Variants in NRXN1 observed in about 807,000 individuals in gnomAD.
NRXN1 encodes neurexin-1.
Under a neutral mutation model 150.9 loss-of-function variants are expected in NRXN1, and 39 were observed. The ratio of observed to expected loss-of-function variants is 0.26; its 90% CI spans 0.20 to 0.34. The LOEUF (loss-of-function observed/expected upper bound fraction) is 0.34, where lower values mean the gene tolerates loss of function less well. Among genes scored for constraint, NRXN1 ranks in the 10% least tolerant of loss-of-function variants. The pLI, the probability that NRXN1 is intolerant of heterozygous loss-of-function variation, is 1.00. For missense variants in NRXN1, 1,815 were observed against 1,949.9 expected (o/e 0.93, Z 1.30); for synonymous variants, 924 against 757.0 (o/e 1.22, Z -3.62).
At chr2:50,750,664 T>A (rs976882015) in intron 5 of NRXN1, among the ~76,000 whole-genome samples, 3 of 152,028 alleles carry the variant, frequency 2.0e-5, no homozygotes, top group Non-Finnish European at 4.4e-5. Flanking sequence ...TGACTCCACT[T>A]TAATGTTTCC....
chr2:50,535,495 C>T (rs1025759348), intron 10 of NRXN1, among the ~76,000 whole-genome samples: 1 of 152,184 alleles, frequency 6.6e-6, no homozygotes, highest in African/African-American at 2.4e-5. Context: ...ATCTGTCCCT[C>T]CATCTGTTAG....
At chr2:50,713,439 G>C (rs186802384) in intron 5 of NRXN1, among the ~76,000 whole-genome samples, 1 of 151,960 alleles carries the variant, frequency 6.6e-6, no homozygotes, top group Non-Finnish European at 1.5e-5. Flanking sequence ...AACATTTTAC[G>C]AATTCAAAAG....
chr2:50,827,120 G>C (rs147014621), intron 5 of NRXN1, among the ~76,000 whole-genome samples: 49 of 152,334 alleles, frequency 3.2e-4, no homozygotes, highest in African/African-American at 1.1e-3. Context: ...TGTGATCACT[G>C]GATTTGGCGC....
intron 21 of NRXN1, among the ~76,000 whole-genome samples, chr2:49,998,605 A>T (rs969741676): frequency 1.3e-5 from 2 of 151,730 alleles, no homozygotes; most frequent in African/African-American, 2.4e-5. Flanking sequence ...CTGAAAAACC[A>T]ATCTGAAATG....
At position 50,829,656 on chromosome 2, in the gene NRXN1, G is replaced by A. The variant is rs568790811; in HGVS notation, c.832+92213C>T. ...TCCAGTAGCCAGGTTGGTACGGGAC[G>A]GCATCATAACAGGCTGACACAGCGG... On this transcript the variant is annotated intron_variant, in intron 5 of 22. Transcript: ENST00000401669. 1.4e-5 allele frequency: 23 copies of A among 1,611,770 alleles called. No homozygotes were observed. In the Middle Eastern group the frequency reaches 6.8e-4, roughly 47 times the overall value.
chr2:50,929,465 T>C (rs546397046), intron 2 of NRXN1, among the ~76,000 whole-genome samples: 17 of 152,148 alleles, frequency 1.1e-4, no homozygotes, highest in African/African-American at 4.1e-4. Flanking sequence ...TGGGCATTCC[T>C]TTACTTCTTT....
chr2:50,689,010 A>G (rs1230905096), intron 5 of NRXN1, among the ~76,000 whole-genome samples: 2 of 152,152 alleles, frequency 1.3e-5, no homozygotes, highest in Admixed American at 1.3e-4. Context: ...ATACCCCTTT[A>G]CTACTAATAG....
chr2:50,130,522 T>A (rs1392340564), intron 18 of NRXN1, among the ~76,000 whole-genome samples: 2 of 152,170 alleles, frequency 1.3e-5, no homozygotes, highest in Admixed American at 6.5e-5. Flanking sequence ...TAAGGAGGTA[T>A]CTTCTACTTA....
chr2:51,008,362 G>A (rs1667349412), intron 2 of NRXN1, among the ~76,000 whole-genome samples: 1 of 151,946 alleles, frequency 6.6e-6, no homozygotes, highest in African/African-American at 2.4e-5. Flanking sequence ...GGTGAAGGCA[G>A]ATGAGAAAGC....
chr2:50,600,168 C>T (rs1337633944), intron 8 of NRXN1, among the ~76,000 whole-genome samples: 2 of 151,902 alleles, frequency 1.3e-5, no homozygotes, highest in Non-Finnish European at 2.9e-5. Flanking sequence ...TAAGGATGCA[C>T]ATAATGTATC....
At chr2:50,391,906 G>C (rs1259199208) in intron 17 of NRXN1, among the ~76,000 whole-genome samples, 1 of 152,110 alleles carries the variant, frequency 6.6e-6, no homozygotes, top group East Asian at 1.9e-4. Flanking sequence ...ACTTCATTTA[G>C]TAATCTATGT....
chr2:50,306,164 G>C (rs989267323), intron 17 of NRXN1, among the ~76,000 whole-genome samples: 1 of 152,292 alleles, frequency 6.6e-6, no homozygotes, highest in Admixed American at 6.5e-5. Context: ...CTATTGGGGA[G>C]TTAAGTAACT....
chr2:50,109,629 C>T (rs899361861), intron 18 of NRXN1, among the ~76,000 whole-genome samples: 1 of 151,300 alleles, frequency 6.6e-6, no homozygotes, highest in African/African-American at 2.4e-5. Context: ...AAAAAGAAAA[C>T]AACCAAATCT....
intron 21 of NRXN1, among the ~76,000 whole-genome samples, chr2:49,947,930 G>T (rs1673243059): frequency 6.6e-6 from 1 of 151,810 alleles, no homozygotes; most frequent in African/African-American, 2.4e-5. Context: ...TTTCATGAAT[G>T]TAATACCAAT....
chr2:49,997,878 G>A (rs573133135), intron 21 of NRXN1, among the ~76,000 whole-genome samples: 1 of 152,088 alleles, frequency 6.6e-6, no homozygotes, highest in Admixed American at 6.6e-5. Flanking sequence ...TTCACATAGG[G>A]AAAGGAGGCA....
intron 5 of NRXN1, among the ~76,000 whole-genome samples, chr2:50,733,151 A>G (rs950714214): frequency 6.6e-5 from 10 of 152,184 alleles, no homozygotes; most frequent in African/African-American, 2.2e-4. Flanking sequence ...GCTTTAAATG[A>G]CACAACAGGG....
intron 5 of NRXN1, among the ~76,000 whole-genome samples, chr2:50,697,235 C>T (rs1423288711): frequency 6.6e-6 from 1 of 152,126 alleles, no homozygotes; most frequent in East Asian, 1.9e-4. Flanking sequence ...CTTCATTAGT[C>T]TTCATTTTGA....
chr2:50,679,150 A>G (rs2104783825), intron 5 of NRXN1, among the ~76,000 whole-genome samples: 1 of 152,112 alleles, frequency 6.6e-6, no homozygotes, highest in Admixed American at 6.5e-5. Context: ...GAGTATGTGG[A>G]AAAGTAGATT....
At chr2:50,235,890 C>G (rs1280896581) in intron 18 of NRXN1, among the ~76,000 whole-genome samples, 1 of 151,902 alleles carries the variant, frequency 6.6e-6, no homozygotes, top group African/African-American at 2.4e-5. Context: ...TAATAAGAAC[C>G]CTTTAGAAAA....
Sources: gnomAD v4.1 joint callset for allele counts (sites outside exome capture counted in the v4.1 genomes callset) on GRCh38, gnomAD v4.1.1 for gene constraint, MANE v1.5 for transcripts, NCBI Gene and HGNC (gene_info 2026-07-23, HGNC 2026-07-21) for gene names.